Variants in ZFYVE28 observed in about 807,000 individuals in gnomAD.
The protein encoded by ZFYVE28 is zinc finger FYVE-type containing 28.
In ZFYVE28, 40 loss-of-function variants were observed where a neutral mutation model predicts 82.1. That is an observed-to-expected ratio of 0.49 (90% CI 0.38 to 0.63). The LOEUF is 0.63. Ranked by LOEUF, ZFYVE28 falls within the 30% of genes least tolerant of loss-of-function variation. The probability of loss-of-function intolerance (pLI) is 0.00; values close to 1 mark genes in which losing one functional copy is unlikely to be tolerated. For missense variants in ZFYVE28, 1,321 were observed against 1,242.1 expected (o/e 1.06, Z -0.96); for synonymous variants, 612 against 546.1 (o/e 1.12, Z -1.68).
At position 2,360,389 on chromosome 4, in the gene ZFYVE28, TCACACA is replaced by T. The variant is rs10545681; in HGVS notation, c.40-6322_40-6317del. 8.6e-3 allele frequency among the ~76,000 whole-genome samples: 1,234 copies of T among 143,380 alleles called. 9 individuals are homozygous for T. Among genetic ancestry groups the T allele is most frequent in the Admixed American group, 0.012 (167 of 14,346 alleles). The allele number at this position is 143,380 out of a possible 152,430, so 94.1% of individuals were successfully genotyped here. On this transcript the variant is annotated intron_variant, in intron 1 of 12. Coordinates refer to ENST00000290974, the MANE Select transcript of ZFYVE28 (RefSeq NM_020972.3). Reference sequence around the variant, plus strand: ...ACCATCTGCAAAAAGAGAGCTGTAATCACACACACACACACACACACACACACACAC... The same window carrying T: ...ACCATCTGCAAAAAGAGAGCTGTAATCACACACACACACACACACACACAC...
chr4:2,333,990 C>T (rs2108851240), intron 6 of ZFYVE28, among the ~76,000 whole-genome samples: 2 of 152,284 alleles, frequency 1.3e-5, no homozygotes, highest in East Asian at 3.9e-4. Flanking sequence ...GGACACTTCC[C>T]TCCAAGCCAC....
At chr4:2,378,726 C>A (rs1728420356) in intron 1 of ZFYVE28, among the ~76,000 whole-genome samples, 1 of 152,224 alleles carries the variant, frequency 6.6e-6, no homozygotes, top group South Asian at 2.1e-4. Context: ...TGATCCACCC[C>A]TGCTCCATCC....
intron 5 of ZFYVE28, among the ~76,000 whole-genome samples, chr4:2,337,064 A>AGTTAGGAGGTGGGGAAGTGAGG (rs1321422094): frequency 1.4e-4 from 21 of 148,198 alleles, no homozygotes; most frequent in Middle Eastern, 3.5e-3. Context: ...GGGGGTGAGG[A>AGTTAGGAGGTGGGGAAGTGAGG]AGGTGACAAG....
chr4:2,414,878 T>C (rs1732873008), intron 1 of ZFYVE28, among the ~76,000 whole-genome samples: 1 of 152,158 alleles, frequency 6.6e-6, no homozygotes, highest in African/African-American at 2.4e-5. Flanking sequence ...CATGCCAAAA[T>C]GGTTTGCCTT....
At chr4:2,353,615 A>G (rs1267550487) in intron 2 of ZFYVE28, among the ~76,000 whole-genome samples, 1 of 152,102 alleles carries the variant, frequency 6.6e-6, no homozygotes, top group Non-Finnish European at 1.5e-5. Context: ...GCTCTGCACC[A>G]GCACCTGGGC....
chr4:2,300,693 G>C lies in ZFYVE28; in HGVS notation c.2051+3596C>G, dbSNP rs569257005. 4.6e-5 allele frequency among the ~76,000 whole-genome samples: 7 copies of C among 152,236 alleles called. No individual in the cohort carries two copies. The highest frequency in any genetic ancestry group is 1.7e-4 in the African/African-American group (7 of 41,536). Reference sequence around the variant, plus strand: ...CTGGCCAGAAACACAGGCTCCAGGGGTCTCGGGGGAATCTCACAGGCTGGT... The same window carrying C: ...CTGGCCAGAAACACAGGCTCCAGGGCTCTCGGGGGAATCTCACAGGCTGGT... On this transcript the variant is annotated intron_variant, in intron 8 of 12. Transcript: ENST00000290974. This position sits in a 1 kb window ranked among gnomAD's most constrained non-coding sequence, Gnocchi z 4.6.
chr4:2,273,985 C>T (rs1213863715), intron 9 of ZFYVE28, 77 bp downstream of exon 9: 39 of 1,524,924 alleles, frequency 2.6e-5, no homozygotes, highest in African/African-American at 5.4e-5. Flanking sequence ...AGGTTGTACA[C>T]GCCCCGCCTG....
At position 2,305,509 on chromosome 4, in the gene ZFYVE28, C is replaced by T; in HGVS notation, c.831G>A (p.Glu277=). Residue 277 remains glutamate, a synonymous_variant, in exon 8 of 13, where the codon GAG becomes GAA. Transcript: ENST00000290974. ...GGTTCCGTTCCAGCGTGTGCAGCTC[C>T]TCCTCCGTCAGCGTCTGCAGCAAAT... is the stretch of plus-strand genomic sequence containing the variant. ...IRDLLQTLTE[E]ELHTLERNLC... The T allele has an allele frequency of 6.2e-7, 1 of 1,613,024 alleles. No homozygotes were observed. Among genetic ancestry groups the T allele is most frequent in the African/African-American group, 1.3e-5 (1 of 75,072 alleles).
At chr4:2,413,680 C>T (rs972149044) in intron 1 of ZFYVE28, among the ~76,000 whole-genome samples, 1 of 152,252 alleles carries the variant, frequency 6.6e-6, no homozygotes, top group Non-Finnish European at 1.5e-5. Context: ...CAGCTGAAAA[C>T]GAATTCATCA....
intron 2 of ZFYVE28, among the ~76,000 whole-genome samples, chr4:2,342,244 A>G (rs895410829): frequency 3.3e-5 from 5 of 152,236 alleles, no homozygotes; most frequent in East Asian, 1.9e-4. Context: ...ACAGCAACGC[A>G]TAAGTCAGTC....
At chr4:2,282,467 AGTG>A (rs1712092482) in intron 8 of ZFYVE28, among the ~76,000 whole-genome samples, 2 of 152,304 alleles carry the variant, frequency 1.3e-5, no homozygotes, top group South Asian at 2.1e-4. Context: ...GGGTGGGAAA[AGTG>A]GTGAGGGGAG....
chr4:2,308,763 AAG>A (rs1491336869), intron 7 of ZFYVE28, among the ~76,000 whole-genome samples: 2 of 146,724 alleles, frequency 1.4e-5, no homozygotes, highest in East Asian at 4.4e-4. Context: ...AAAAGAGAGA[AAG>A]AGGGAGGGAG....
At chr4:2,315,325 G>A (rs1718046640) in intron 7 of ZFYVE28, among the ~76,000 whole-genome samples, 4 of 152,042 alleles carry the variant, frequency 2.6e-5, no homozygotes. Context: ...TCACTCTGTT[G>A]CCCAGGCTAG....
intron 1 of ZFYVE28, among the ~76,000 whole-genome samples, chr4:2,356,758 G>A (rs1352515237): frequency 2.0e-5 from 3 of 152,218 alleles, no homozygotes; most frequent in Admixed American, 2.0e-4. Context: ...GGAAAGTGAG[G>A]CCCAAAAGGC....
chr4:2,369,693 G>GAA (rs1727285960), intron 1 of ZFYVE28, among the ~76,000 whole-genome samples: 1 of 151,918 alleles, frequency 6.6e-6, no homozygotes, highest in East Asian at 1.9e-4. Flanking sequence ...TGACGGGCCT[G>GAA]TAAGAAACCC....
Position 2,312,467 on chromosome 4 carries a change from G to A in ZFYVE28, c.804-6931C>T, listed in dbSNP as rs530044818. Among the ~76,000 whole-genome samples the A allele has an allele frequency of 9.9e-5, 15 of 152,208 alleles. No individual in the cohort carries two copies. In the Middle Eastern group the frequency reaches 0.014, roughly 138 times the overall value. On this transcript the variant is annotated intron_variant, in intron 7 of 12. Coordinates refer to ENST00000290974, the MANE Select transcript of ZFYVE28 (RefSeq NM_020972.3). ...TTTGGGGCCGGGCGCGGTGGCTCAC[G>A]CCTGTAATCATAGCACTTTGGGAGG...
chr4:2,346,091 G>A (rs958966836), intron 2 of ZFYVE28, among the ~76,000 whole-genome samples: 28 of 151,526 alleles, frequency 1.8e-4, no homozygotes, highest in African/African-American at 6.8e-4. Context: ...CACTTTGGGA[G>A]GCCAGGGCGG....
At chr4:2,292,721 G>A (rs1713922400) in intron 8 of ZFYVE28, among the ~76,000 whole-genome samples, 1 of 152,136 alleles carries the variant, frequency 6.6e-6, no homozygotes, top group Non-Finnish European at 1.5e-5. Context: ...GGTGAAGTCT[G>A]TCTCACATTT....
chr4:2,350,988 T>C (rs1463261429), intron 2 of ZFYVE28, among the ~76,000 whole-genome samples: 1 of 152,194 alleles, frequency 6.6e-6, no homozygotes, highest in Non-Finnish European at 1.5e-5. Flanking sequence ...AAACGAAGTG[T>C]TTCCCTGAGT....
Sources: gnomAD v4.1 joint callset for allele counts (sites outside exome capture counted in the v4.1 genomes callset) on GRCh38, gnomAD v4.1.1 for gene constraint, Gnocchi (gnomAD v3.1) non-coding constraint, MANE v1.5 for transcripts, NCBI Gene and HGNC (gene_info 2026-07-23, HGNC 2026-07-21) for gene names.